HIF1AN: variants seen among roughly 807,000 people sequenced by gnomAD.
The protein encoded by HIF1AN is hypoxia inducible factor 1 subunit alpha inhibitor, also known as hypoxia-inducible factor 1-alpha inhibitor.
A neutral mutation model predicts 47.7 loss-of-function variants in HIF1AN; 21 were observed. The ratio of observed to expected loss-of-function variants is 0.44; its 90% CI spans 0.31 to 0.63. HIF1AN has a LOEUF of 0.63. Among genes scored for constraint, HIF1AN ranks in the 30% least tolerant of loss-of-function variants. HIF1AN has a pLI of 0.07. For missense variants in HIF1AN, 320 were observed against 432.7 expected, an observed-to-expected ratio of 0.74 and a Z score of 2.31; for synonymous variants, 152 against 155.9, an observed-to-expected ratio of 0.98 and a Z score of 0.18.
chr10:100,542,635 G>A (rs1471531896), intron 3 of HIF1AN, among the ~76,000 whole-genome samples: 3 of 152,190 alleles, frequency 2.0e-5, no homozygotes, highest in South Asian at 2.1e-4. Flanking sequence ...GATTACAGGC[G>A]TGAGCCACCG....
rs1843149526 is a variant in HIF1AN, at chr10:100,550,727, G to C, written c.*2590G>C. The C allele has an allele frequency of 6.6e-6, 1 of 152,186 alleles. No individual in the cohort carries two copies. The highest frequency in any genetic ancestry group is 2.1e-4 in the South Asian group (1 of 4,836). The allele number at this position is 152,186 out of a possible 1,614,324, so 9.4% of individuals were successfully genotyped here. A position where few individuals can be genotyped will look rare whatever the true frequency, so the allele number is the denominator to read the frequency against. On this transcript the variant is annotated 3_prime_UTR_variant, in exon 8 of 8. Transcript: ENST00000299163. ...AGCTGTGGGGGGAACTGAGTTCTGT[G>C]TCTAATTGCATTACTTATGTGTCCT...
At position 100,545,190 on chromosome 10, in the gene HIF1AN, G is replaced by C. The variant is rs562749911; in HGVS notation, c.723+94G>C. The C allele has an allele frequency of 5.6e-5, 76 of 1,366,258 alleles. No individual in the cohort carries two copies. The African/African-American group carries it at 9.7e-4, about 17-fold the overall frequency. The allele number at this position is 1,366,258 out of a possible 1,614,324, so 84.6% of individuals were successfully genotyped here. ...TCCCCTTCCCCGTAGTGATATGCCA[G>C]GTTCGGATTACAGGCTGTTCTTGCC... On this transcript the variant is annotated intron_variant, in intron 4 of 7. Transcript: ENST00000299163.
rs1026956175 is a variant in HIF1AN, at chr10:100,556,541, C to G, written c.*8404C>G. ...GATTGTCAGAGTCTGCCTTGCTAGTCTAGAGGTAGGACCATGGATTTAAGA... is the reference window on the plus strand; with the variant it reads ...GATTGTCAGAGTCTGCCTTGCTAGTGTAGAGGTAGGACCATGGATTTAAGA... On this transcript the variant is annotated 3_prime_UTR_variant, in exon 8 of 8. Transcript: ENST00000299163. The G allele has an allele frequency of 6.6e-6, 1 of 152,244 alleles. No individual in the cohort carries two copies. The highest frequency in any genetic ancestry group is 1.5e-5 in the Non-Finnish European group (1 of 68,046). 9.4% of individuals were successfully genotyped at this position (152,244 alleles called of 1,614,324 possible). A position where few individuals can be genotyped will look rare whatever the true frequency, so the allele number is the denominator to read the frequency against.
chr10:100,536,746 G>C (rs1244133151), intron 2 of HIF1AN, 85 bp downstream of exon 2: 1 of 1,488,482 alleles, frequency 6.7e-7, no homozygotes, highest in Non-Finnish European at 9.2e-7. Context: ...GGCAGAATTG[G>C]GTCAATTAGA....
intron 2 of HIF1AN, among the ~76,000 whole-genome samples, chr10:100,538,291 C>T (rs1410944661): frequency 6.6e-6 from 1 of 152,138 alleles, no homozygotes; most frequent in Non-Finnish European, 1.5e-5. Context: ...TTCACTTCAA[C>T]CTGATTGGAC....
chr10:100,539,422 C>T (rs560657355), intron 2 of HIF1AN, among the ~76,000 whole-genome samples: 2 of 152,312 alleles, frequency 1.3e-5, no homozygotes, highest in African/African-American at 2.4e-5. Flanking sequence ...AATAAGCTAT[C>T]TTCCTTACTT....
intron 1 of HIF1AN, 98 bp downstream of exon 1, chr10:100,536,233 A>G (rs906157599): frequency 1.5e-6 from 2 of 1,343,754 alleles, no homozygotes; most frequent in African/African-American, 2.9e-5. Flanking sequence ...GCAGGGCTCT[A>G]GACTAGGGCC....
At chr10:100,542,153 G>A (rs1372283292) in intron 3 of HIF1AN, among the ~76,000 whole-genome samples, 1 of 151,048 alleles carries the variant, frequency 6.6e-6, no homozygotes, top group South Asian at 2.1e-4. Context: ...GATAAAAAAC[G>A]GTATACCTGT....
At position 100,550,622 on chromosome 10, in the gene HIF1AN, T is replaced by C. The variant is rs1255637973; in HGVS notation, c.*2485T>C. 5 of 152,126 alleles carry C rather than the reference T, an allele frequency of 3.3e-5. No homozygotes were observed. Among genetic ancestry groups the C allele is most frequent in the Non-Finnish European group, 1.5e-5 (1 of 68,040 alleles). The allele number at this position is 152,126 out of a possible 1,614,324, so 9.4% of individuals were successfully genotyped here. A position where few individuals can be genotyped will look rare whatever the true frequency, so the allele number is the denominator to read the frequency against. ...ATGGTGCAGAATATACAGCTCAGGG[T>C]GAAAGTTCTTCTGGGCTCCTGCTAA... On this transcript the variant is annotated 3_prime_UTR_variant, in exon 8 of 8. Transcript: ENST00000299163.
At chr10:100,537,995 A>G (rs986127896) in intron 2 of HIF1AN, among the ~76,000 whole-genome samples, 6 of 152,202 alleles carry the variant, frequency 3.9e-5, no homozygotes, top group African/African-American at 1.4e-4. Flanking sequence ...GCACACTTCC[A>G]TATACACACA....
Position 100,547,232 on chromosome 10 carries a change from C to T in HIF1AN, c.987C>T (p.Ala329=), listed in dbSNP as rs1159525726. ...MRNIEKMLGE[A]LGNPQEVGPL... ...ACATTGAGAAGATGCTTGGAGAGGC[C>T]TTGGGGAACCCACAAGAGGTAGGTG... The change falls in exon 7 of 8, where the codon GCC becomes GCT. Residue 329 remains alanine, a synonymous_variant. Coordinates refer to ENST00000299163, the MANE Select transcript of HIF1AN (RefSeq NM_017902.3). 1.2e-5 allele frequency: 19 copies of T among 1,613,022 alleles called. No homozygotes were observed. Among genetic ancestry groups the T allele is most frequent in the Non-Finnish European group, 1.6e-5 (19 of 1,179,392 alleles).
Position 100,553,821 on chromosome 10 carries a change from T to C in HIF1AN, c.*5684T>C, listed in dbSNP as rs1370511426. On this transcript the variant is annotated 3_prime_UTR_variant, in exon 8 of 8. Transcript: ENST00000299163. Reference sequence around the variant, plus strand: ...GGTGGAGGGAGGCATGTTGAAAATATCTACCTCAGGGTTGTTGGAATAACT... The same window carrying C: ...GGTGGAGGGAGGCATGTTGAAAATACCTACCTCAGGGTTGTTGGAATAACT... The C allele has an allele frequency of 4.6e-5, 7 of 152,222 alleles. No homozygotes were observed. Among genetic ancestry groups the C allele is most frequent in the African/African-American group, 7.2e-5 (3 of 41,450 alleles). The allele number at this position is 152,222 out of a possible 1,614,324, so 9.4% of individuals were successfully genotyped here.
chr10:100,543,039 G>A (rs1285379429), intron 3 of HIF1AN, among the ~76,000 whole-genome samples: 1 of 152,052 alleles, frequency 6.6e-6, no homozygotes, highest in Non-Finnish European at 1.5e-5. Context: ...AGGAAACAGA[G>A]AAGTTATTTA....
rs1257207948 is a variant in HIF1AN, at chr10:100,548,360, T to C, written c.*223T>C. ...CCTTGCCTCTTGTGCCCCAGCACCT[T>C]CTCTCTCTGCCCCCCGCCTAAAGTC... On this transcript the variant is annotated 3_prime_UTR_variant, in exon 8 of 8. Transcript: ENST00000299163. 4 of 486,750 alleles carry C rather than the reference T, an allele frequency of 8.2e-6. No individual in the cohort carries two copies. Among genetic ancestry groups the C allele is most frequent in the Non-Finnish European group, 1.4e-5 (4 of 276,272 alleles). The allele number at this position is 486,750 out of a possible 1,614,324, so 30.2% of individuals were successfully genotyped here.
At position 100,549,382 on chromosome 10, in the gene HIF1AN, C is replaced by T. The variant is rs1266966547; in HGVS notation, c.*1245C>T. 2 of 152,270 alleles carry T rather than the reference C, an allele frequency of 1.3e-5. No homozygotes were observed. The highest frequency in any genetic ancestry group is 2.1e-4 in the South Asian group (1 of 4,832). The allele number at this position is 152,270 out of a possible 1,614,324, so 9.4% of individuals were successfully genotyped here. ...GAAATGGGGTCAAGCCCAGGCAGCT[C>T]ATTCACTACCTGTGATCCACCTCAG... On this transcript the variant is annotated 3_prime_UTR_variant, in exon 8 of 8. Transcript: ENST00000299163.
chr10:100,545,628 T>A (rs1192923712), intron 4 of HIF1AN: 1 of 270,394 alleles, frequency 3.7e-6, no homozygotes, highest in East Asian at 7.4e-5. Flanking sequence ...TGGGAAAAGT[T>A]TCTGAAGGTT....
rs995938038 is a variant in HIF1AN, at chr10:100,548,944, C to T, written c.*807C>T. The T allele has an allele frequency of 6.6e-6, 1 of 152,444 alleles. No homozygotes were observed. The highest frequency in any genetic ancestry group is 1.9e-4 in the East Asian group (1 of 5,196). The allele number at this position is 152,444 out of a possible 1,614,324, so 9.4% of individuals were successfully genotyped here. A position where few individuals can be genotyped will look rare whatever the true frequency, so the allele number is the denominator to read the frequency against. On this transcript the variant is annotated 3_prime_UTR_variant, in exon 8 of 8. Transcript: ENST00000299163. ...CTATGCTGGGTACCAAGGGAGTTCT[C>T]CTAGCTGTGGCTTCTCTAGGTTCTA...
At chr10:100,545,167 C>T in intron 4 of HIF1AN, 71 bp downstream of exon 4, 2 of 1,524,036 alleles carry the variant, frequency 1.3e-6, no homozygotes, top group South Asian at 2.4e-5. Flanking sequence ...AATGTCTTTC[C>T]CCTTCCCCGT....
At position 100,556,867 on chromosome 10, in the gene HIF1AN, A is replaced by G. The variant is rs763800433; in HGVS notation, c.*8730A>G. On this transcript the variant is annotated 3_prime_UTR_variant, in exon 8 of 8. Transcript: ENST00000299163. ...TTTAAAACACCTGGCTCAAGCACTC[A>G]GGAAAATGTTTTATTATGAAGACCA... 3.9e-5 allele frequency: 6 copies of G among 152,200 alleles called. No individual in the cohort carries two copies. Among genetic ancestry groups the G allele is most frequent in the Non-Finnish European group, 7.3e-5 (5 of 68,042 alleles). 9.4% of individuals were successfully genotyped at this position (152,200 alleles called of 1,614,324 possible).
Sources: gnomAD v4.1 joint callset for allele counts (sites outside exome capture counted in the v4.1 genomes callset) on GRCh38, gnomAD v4.1.1 for gene constraint, MANE v1.5 for transcripts, NCBI Gene and HGNC (gene_info 2026-07-23, HGNC 2026-07-21) for gene names.